The following ATP13A4 variants were observed in gnomAD, a reference collection of about 807,000 sequenced individuals.
The protein encoded by ATP13A4 is probable cation-transporting ATPase 13A4.
ATP13A4 carries 114 observed loss-of-function variants against 142.5 expected under a neutral mutation model. The observed-to-expected ratio is 0.80, with a 90% CI of 0.69 to 0.93. The LOEUF is 0.93. Ranked by LOEUF, ATP13A4 falls within the 40% of genes least tolerant of loss-of-function variation. ATP13A4 has a pLI of 0.00. For synonymous variants in ATP13A4, 488 were observed against 514.8 expected (o/e 0.95, Z 0.70); for missense variants, 1,392 against 1,454.0 (o/e 0.96, Z 0.69).
intron 12 of ATP13A4, among the ~76,000 whole-genome samples, chr3:193,464,354 C>G (rs1718138710): frequency 6.6e-6 from 1 of 152,106 alleles, no homozygotes; most frequent in Admixed American, 6.6e-5. Flanking sequence ...TTCACCCCAG[C>G]ATATGTGTGT....
intron 2 of ATP13A4, among the ~76,000 whole-genome samples, chr3:193,503,353 C>T (rs533957285): frequency 6.6e-6 from 1 of 152,290 alleles, no homozygotes; most frequent in South Asian, 2.1e-4. Flanking sequence ...CTGATTACTT[C>T]ACACAGAGTA....
At chr3:193,463,423 G>GT (rs1230179822) in intron 12 of ATP13A4, among the ~76,000 whole-genome samples, 10 of 114,832 alleles carry the variant, frequency 8.7e-5, no homozygotes, top group Admixed American at 2.7e-4. Context: ...TTGCTATTTG[G>GT]TAAAAAAAAA....
chr3:193,459,873 T>C (rs1025994725), intron 13 of ATP13A4, among the ~76,000 whole-genome samples: 6 of 152,296 alleles, frequency 3.9e-5, no homozygotes, highest in African/African-American at 1.4e-4. Flanking sequence ...AAAATACAAC[T>C]CAAATGTCAT....
At chr3:193,435,035 T>C (rs752263491) in intron 24 of ATP13A4, among the ~76,000 whole-genome samples, 1 of 152,204 alleles carries the variant, frequency 6.6e-6, no homozygotes, top group Non-Finnish European at 1.5e-5. Context: ...TAATAAATAC[T>C]CAAAGCTCAG....
At chr3:193,454,573 C>T (rs963921787) in intron 16 of ATP13A4, among the ~76,000 whole-genome samples, 2 of 152,174 alleles carry the variant, frequency 1.3e-5, no homozygotes, top group African/African-American at 4.8e-5. Flanking sequence ...TTTACACCTA[C>T]AACTATCAGA....
intron 1 of ATP13A4, among the ~76,000 whole-genome samples, chr3:193,543,116 T>C (rs990719689): frequency 6.8e-6 from 1 of 147,352 alleles, no homozygotes; most frequent in Admixed American, 6.9e-5. Flanking sequence ...TGTAGTGAGC[T>C]GAGATCGCAC....
rs992570777 is a variant in ATP13A4 at position 193,552,974 on chromosome 3, C to A, written c.60+1766G>T. Among the ~76,000 whole-genome samples, 8 of 152,104 alleles carry A rather than the reference C, an allele frequency of 5.3e-5. No homozygotes were observed. The South Asian group carries it at 1.5e-3, about 28-fold the overall frequency. The stretch of plus-strand genomic sequence containing the variant: ...AATTTTTAAAGTTTACTGCTCTGGG[C>A]AAGGGATGGAGGAGTGAGTTAAAAA... On this transcript the variant is annotated intron_variant, in intron 1 of 29. Transcript: ENST00000342695.
At chr3:193,467,572 CAT>C in intron 9 of ATP13A4, 86 bp from the exon 10 acceptor site, 1 of 1,420,812 alleles carries the variant, frequency 7.0e-7, no homozygotes, top group East Asian at 2.3e-5. Flanking sequence ...ATACAACAGA[CAT>C]TTTTTTTGTG....
chr3:193,410,154 C>T (rs1393276322), intron 28 of ATP13A4, among the ~76,000 whole-genome samples: 1 of 152,044 alleles, frequency 6.6e-6, no homozygotes, highest in Non-Finnish European at 1.5e-5. Flanking sequence ...TAGGTTTTTA[C>T]AGCTGTATCA....
At chr3:193,509,283 T>C (rs1364234528) in intron 2 of ATP13A4, among the ~76,000 whole-genome samples, 1 of 152,212 alleles carries the variant, frequency 6.6e-6, no homozygotes, top group Non-Finnish European at 1.5e-5. Flanking sequence ...ACCTGGAGCC[T>C]TTCCTAAGGA....
chr3:193,506,339 T>C (rs1285568237), intron 2 of ATP13A4, among the ~76,000 whole-genome samples: 5 of 152,198 alleles, frequency 3.3e-5, no homozygotes, highest in African/African-American at 1.2e-4. Flanking sequence ...TCAGGTCTCA[T>C]TGAGAAGGCT....
intron 7 of ATP13A4, among the ~76,000 whole-genome samples, chr3:193,486,759 T>C (rs868237449): frequency 2.6e-5 from 4 of 152,360 alleles, no homozygotes; most frequent in African/African-American, 7.2e-5. Context: ...TATTAGCATA[T>C]GCCTTTAGAA....
intron 1 of ATP13A4, among the ~76,000 whole-genome samples, chr3:193,548,806 C>T (rs1577072282): frequency 1.3e-5 from 2 of 152,194 alleles, no homozygotes; most frequent in African/African-American, 4.8e-5. Context: ...CCTGCTGCCA[C>T]GTTATGTGCC....
At chr3:193,538,016 G>A (rs1445890766) in intron 1 of ATP13A4, among the ~76,000 whole-genome samples, 2 of 152,120 alleles carry the variant, frequency 1.3e-5, no homozygotes, top group Admixed American at 6.5e-5. Flanking sequence ...CGCGGTGATG[G>A]AAACATTCTG....
intron 7 of ATP13A4, 102 bp downstream of exon 7, chr3:193,489,628 G>A (rs981663790): frequency 2.4e-4 from 302 of 1,264,508 alleles, no homozygotes; most frequent in East Asian, 3.8e-4. Context: ...CATTTACTAC[G>A]GAGTAGGAAG....
chr3:193,507,195 G>A (rs1375155018), intron 2 of ATP13A4, among the ~76,000 whole-genome samples: 1 of 152,128 alleles, frequency 6.6e-6, no homozygotes, highest in African/African-American at 2.4e-5. Context: ...AATGCTAAAA[G>A]GCTGAACTCT....
At chr3:193,486,301 C>T (rs1158953274) in intron 7 of ATP13A4, among the ~76,000 whole-genome samples, 1 of 152,050 alleles carries the variant, frequency 6.6e-6, no homozygotes, top group African/African-American at 2.4e-5. Flanking sequence ...TATTTTGAAG[C>T]ATTTTAGTGA....
At chr3:193,516,841 T>C (rs1721444051) in intron 1 of ATP13A4, among the ~76,000 whole-genome samples, 1 of 152,188 alleles carries the variant, frequency 6.6e-6, no homozygotes. Context: ...TTTGTGTTCA[T>C]TGCCAACATA....
chr3:193,575,270 C>A (rs549666500), intron 2 of ATP13A4, among the ~76,000 whole-genome samples: 140 of 152,306 alleles, frequency 9.2e-4, no homozygotes, highest in African/African-American at 3.2e-3. Flanking sequence ...ATAGTGAGAA[C>A]TGCAGCCATA....
Sources: allele counts gnomAD v4.1 joint callset (sites outside exome capture counted in the v4.1 genomes callset), GRCh38; gene constraint gnomAD v4.1.1; transcripts MANE v1.5; gene names NCBI Gene and HGNC (gene_info 2026-07-23, HGNC 2026-07-21).